Variants in KCNQ2 observed in about 807,000 individuals in gnomAD.
KCNQ2 encodes potassium voltage-gated channel subfamily KQT member 2.
Under a neutral mutation model 84.8 loss-of-function variants are expected in KCNQ2, and 14 were observed. The ratio of observed to expected loss-of-function variants is 0.17; its 90% CI spans 0.11 to 0.26. The LOEUF (loss-of-function observed/expected upper bound fraction) is 0.26. KCNQ2 is among the 10% of genes least tolerant of loss of function. KCNQ2 has a pLI of 1.00. For synonymous variants in KCNQ2, 599 were observed against 554.1 expected, an observed-to-expected ratio of 1.08 and a Z score of -1.14; for missense variants, 788 against 1,254.0, an observed-to-expected ratio of 0.63 and a Z score of 5.61.
intron 4 of KCNQ2, among the ~76,000 whole-genome samples, chr20:63,443,191 C>CACCACCACCAT (rs2081285953): frequency 1.9e-5 from 2 of 104,442 alleles, no homozygotes; most frequent in South Asian, 7.3e-4. Flanking sequence ...ACCATCACCA[C>CACCACCACCAT]CACCACCACC....
At position 63,425,490 on chromosome 20, in the gene KCNQ2, C is replaced by T. The variant is rs1489873387; in HGVS notation, c.1218-1284G>A. On this transcript the variant is annotated intron_variant, in intron 10 of 16. Coordinates refer to ENST00000359125, the MANE Select transcript of KCNQ2 (RefSeq NM_172107.4). The surrounding 1 kb of genome is among the most constrained non-coding windows in gnomAD (Gnocchi z 5.5). ...ATCCCAGCACTTTGGGAGGCCGAGGCGGGTGGATCACCTGAGGTCAGGAGT... is the reference window on the plus strand; with the variant it reads ...ATCCCAGCACTTTGGGAGGCCGAGGTGGGTGGATCACCTGAGGTCAGGAGT... Among the ~76,000 whole-genome samples the T allele has an allele frequency of 2.6e-5, 4 of 152,074 alleles. No homozygotes were observed. The highest frequency in any genetic ancestry group is 4.8e-5 in the African/African-American group (2 of 41,408).
chr20:63,456,705 C>T lies in KCNQ2; in HGVS notation c.297-9868G>A, dbSNP rs1354163681. 2.0e-5 allele frequency among the ~76,000 whole-genome samples: 3 copies of T among 152,194 alleles called. No individual in the cohort carries two copies. In the South Asian group the frequency reaches 6.2e-4, roughly 32 times the overall value. ...TTTCACAGTCGGGAAAACAGAGGCTCCGGAGACTCTCAGAGGCCCACGTGC... is the reference window on the plus strand; with the variant it reads ...TTTCACAGTCGGGAAAACAGAGGCTTCGGAGACTCTCAGAGGCCCACGTGC... On this transcript the variant is annotated intron_variant, in intron 1 of 16. Coordinates refer to ENST00000359125, the MANE Select transcript of KCNQ2 (RefSeq NM_172107.4).
chr20:63,418,199 G>T (rs934954502), intron 12 of KCNQ2, among the ~76,000 whole-genome samples: 1 of 152,204 alleles, frequency 6.6e-6, no homozygotes, highest in Non-Finnish European at 1.5e-5. Context: ...AAGAACAAGC[G>T]CACGCGAAAA....
chr20:63,431,392 C>T (rs2080783200), intron 8 of KCNQ2, 23 bp from the exon 9 acceptor site: 4 of 1,613,130 alleles, frequency 2.5e-6, no homozygotes, highest in Middle Eastern at 1.7e-4. Context: ...TCCACACACA[C>T]AAAGGGAAAA....
chr20:63,414,034 G>T lies in KCNQ2; in HGVS notation c.1631+54C>A. 3.7e-6 allele frequency: 5 copies of T among 1,338,034 alleles called. No homozygotes were observed. The highest frequency in any genetic ancestry group is 5.4e-6 in the Non-Finnish European group (5 of 929,998). 82.9% of individuals were successfully genotyped at this position (1,338,034 alleles called of 1,614,324 possible). A position where few individuals can be genotyped will look rare whatever the true frequency, so the allele number is the denominator to read the frequency against. On this transcript the variant is annotated intron_variant, in intron 14 of 16. Coordinates refer to ENST00000359125, the MANE Select transcript of KCNQ2 (RefSeq NM_172107.4). The surrounding 1 kb of genome is among the most constrained non-coding windows in gnomAD (Gnocchi z 6.6). ...AGCACCGGCAGCAGGCAGGACCACC[G>T]AGCGGGAGGCCCCTCCTCACTCCCC...
At chr20:63,416,861 A>G (rs574429757) in intron 12 of KCNQ2, among the ~76,000 whole-genome samples, 1 of 146,428 alleles carries the variant, frequency 6.8e-6, no homozygotes, top group African/African-American at 2.5e-5. Flanking sequence ...GCCCCTCCCC[A>G]CCCCATCCCC....
intron 1 of KCNQ2, among the ~76,000 whole-genome samples, chr20:63,447,126 C>T (rs1181968106): frequency 6.6e-6 from 1 of 152,032 alleles, no homozygotes. Context: ...TGGCCCCTGC[C>T]CCTTCTGTCT....
chr20:63,453,039 G>C (rs896470755), intron 1 of KCNQ2, among the ~76,000 whole-genome samples: 1 of 152,166 alleles, frequency 6.6e-6, no homozygotes, highest in African/African-American at 2.4e-5. Context: ...AAGAGCCAGA[G>C]CCTGCCCCAC....
chr20:63,416,438 G>A (rs1416233766), intron 12 of KCNQ2, among the ~76,000 whole-genome samples: 2 of 152,176 alleles, frequency 1.3e-5, no homozygotes, highest in African/African-American at 2.4e-5. Context: ...GCCTCCTGAG[G>A]TCTGGAAAGC....
At chr20:63,443,957 C>T (rs922408823) in intron 4 of KCNQ2, among the ~76,000 whole-genome samples, 43 of 152,200 alleles carry the variant, frequency 2.8e-4, no homozygotes, top group Admixed American at 5.2e-4. Flanking sequence ...CCTGAGCCTC[C>T]GGGCACAGAT....
chr20:63,456,298 A>C (rs562749171), intron 1 of KCNQ2, among the ~76,000 whole-genome samples: 14 of 151,604 alleles, frequency 9.2e-5, no homozygotes, highest in African/African-American at 3.4e-4. Flanking sequence ...CCCGCTCCTC[A>C]CTCGCTTCAT....
In KCNQ2 at chr20:63,400,656, C is replaced by T. The variant is rs1459444687; in HGVS notation, c.*5988G>A. Reference sequence around the variant, plus strand: ...GGCAACGGCGCAAATGGGGAAGCTGCAGCCACCGTCACGGCCAGAGGATGG... The same window carrying T: ...GGCAACGGCGCAAATGGGGAAGCTGTAGCCACCGTCACGGCCAGAGGATGG... On this transcript the variant is annotated 3_prime_UTR_variant, in exon 17 of 17. Coordinates refer to ENST00000359125, the MANE Select transcript of KCNQ2 (RefSeq NM_172107.4). This position sits in a 1 kb window ranked among gnomAD's most constrained non-coding sequence, Gnocchi z 8.7. 4 of 398,438 alleles carry T rather than the reference C, an allele frequency of 1.0e-5. No homozygotes were observed. The highest frequency in any genetic ancestry group is 1.8e-5 in the Non-Finnish European group (4 of 226,090). 24.7% of individuals were successfully genotyped at this position (398,438 alleles called of 1,614,324 possible). A position where few individuals can be genotyped will look rare whatever the true frequency, so the allele number is the denominator to read the frequency against.
chr20:63,416,711 G>A (rs7266124), intron 12 of KCNQ2, among the ~76,000 whole-genome samples: 2,657 of 152,180 alleles, frequency 0.017, 69 homozygotes, highest in African/African-American at 0.061. Flanking sequence ...CTGAGGCCCC[G>A]GTCAGCAGCC....
Position 63,413,192 on chromosome 20 carries a change from C to T in KCNQ2, c.1763+258G>A, listed in dbSNP as rs570832914. 4 of 536,408 alleles carry T rather than the reference C, an allele frequency of 7.5e-6. No homozygotes were observed. In the African/African-American group the frequency reaches 7.6e-5, roughly 10 times the overall value. 33.2% of individuals were successfully genotyped at this position (536,408 alleles called of 1,614,324 possible). Reference sequence around the variant, plus strand: ...TGACTTACACACACACACATGCACACACACATTTTCAGGGACCCACACACA... The same window carrying T: ...TGACTTACACACACACACATGCACATACACATTTTCAGGGACCCACACACA... On this transcript the variant is annotated intron_variant, in intron 15 of 16. Transcript: ENST00000359125.
At chr20:63,461,022 A>C (rs1264118355) in intron 1 of KCNQ2, 1 of 152,250 alleles carries the variant, frequency 6.6e-6, no homozygotes, top group East Asian at 1.9e-4. Flanking sequence ...TTCTGTTTAG[A>C]AACGCACAGG....
chr20:63,463,176 C>T (rs1330408111), intron 1 of KCNQ2, among the ~76,000 whole-genome samples: 1 of 152,062 alleles, frequency 6.6e-6, no homozygotes, highest in African/African-American at 2.4e-5. Context: ...GCAGGAGGAT[C>T]GCTCAGGCCC....
chr20:63,401,893 G>A lies in KCNQ2; in HGVS notation c.*4751C>T. 1 of 156,890 alleles carries A rather than the reference G, an allele frequency of 6.4e-6. No homozygotes were observed. The highest frequency in any genetic ancestry group is 1.1e-4 in the South Asian group (1 of 9,048). 9.7% of individuals were successfully genotyped at this position (156,890 alleles called of 1,614,324 possible). On this transcript the variant is annotated 3_prime_UTR_variant, in exon 17 of 17. Transcript: ENST00000359125. Reference sequence around the variant, plus strand: ...ACCGTCCCTCTCACACGTCTGCCGGGCACCCTCCACCAGGTCCAAGCCTCG... The same window carrying A: ...ACCGTCCCTCTCACACGTCTGCCGGACACCCTCCACCAGGTCCAAGCCTCG...
chr20:63,428,047 C>T (rs980333754), intron 10 of KCNQ2, among the ~76,000 whole-genome samples: 4 of 152,180 alleles, frequency 2.6e-5, no homozygotes, highest in Admixed American at 2.0e-4. Context: ...CTCGAGAGGA[C>T]GACGGGCTGG....
intron 1 of KCNQ2, among the ~76,000 whole-genome samples, chr20:63,465,529 AC>A (rs1176968221): frequency 6.6e-6 from 1 of 152,120 alleles, no homozygotes; most frequent in East Asian, 1.9e-4. Context: ...AGGAACCAGA[AC>A]CCACTCCGAA....
Sources: gnomAD v4.1 joint callset for allele counts (sites outside exome capture counted in the v4.1 genomes callset) on GRCh38, gnomAD v4.1.1 for gene constraint, Gnocchi (gnomAD v3.1) non-coding constraint, MANE v1.5 for transcripts, NCBI Gene and HGNC (gene_info 2026-07-23, HGNC 2026-07-21) for gene names.